The following TCF12 variants were observed in gnomAD, a reference collection of about 807,000 sequenced individuals.
TCF12 encodes transcription factor 12, also known as DNA-binding protein HTF4.
Under a neutral mutation model 86.0 loss-of-function variants are expected in TCF12, and 45 were observed. The ratio of observed to expected loss-of-function variants is 0.52; its 90% CI spans 0.41 to 0.67. The LOEUF is 0.67. Among genes scored for constraint, TCF12 ranks in the 30% least tolerant of loss-of-function variants. The pLI is 0.00. For missense variants in TCF12, 881 were observed against 859.9 expected (o/e 1.02, Z -0.31); for synonymous variants, 330 against 299.6 (o/e 1.10, Z -1.05).
intron 3 of TCF12, among the ~76,000 whole-genome samples, chr15:57,001,623 A>T (rs1338105767): frequency 2.0e-5 from 3 of 152,178 alleles, no homozygotes; most frequent in African/African-American, 7.2e-5. Context: ...CTGTCTAGGG[A>T]TGTCTCACAT....
At chr15:57,005,061 C>G (rs954939447) in intron 3 of TCF12, among the ~76,000 whole-genome samples, 1 of 152,138 alleles carries the variant, frequency 6.6e-6, no homozygotes, top group Non-Finnish European at 1.5e-5. Flanking sequence ...AAATATCTCT[C>G]TACTACTATT....
At position 57,209,007 on chromosome 15, in the gene TCF12, C is replaced by T. The variant is rs151265828; in HGVS notation, c.579+11182C>T. Among the ~76,000 whole-genome samples, 358 of 152,308 alleles carry T rather than the reference C, an allele frequency of 2.4e-3. 5 individuals are homozygous for T. Among genetic ancestry groups the T allele is most frequent in the African/African-American group, 8.0e-3 (332 of 41,572 alleles). On this transcript the variant is annotated intron_variant, in intron 8 of 20. Coordinates refer to ENST00000333725, the MANE Select transcript of TCF12 (RefSeq NM_207037.2). The stretch of plus-strand genomic sequence containing the variant: ...CTGGGATTACAGGTGTGAGTCACTG[C>T]GGCCAGCCCAAAATGTTTTTTGTTG...
At chr15:57,254,183 C>T (rs1185913911) in intron 16 of TCF12, among the ~76,000 whole-genome samples, 1 of 152,136 alleles carries the variant, frequency 6.6e-6, no homozygotes. Flanking sequence ...TTTTAAGGTT[C>T]ATTGCATGCT....
chr15:57,022,261 C>G (rs2065539261), intron 3 of TCF12, among the ~76,000 whole-genome samples: 1 of 151,940 alleles, frequency 6.6e-6, no homozygotes, highest in African/African-American at 2.4e-5. Context: ...TGTTCCCCAT[C>G]CTGTGTCCAA....
chr15:57,053,151 A>T (rs2067758174), intron 3 of TCF12, among the ~76,000 whole-genome samples: 1 of 152,126 alleles, frequency 6.6e-6, no homozygotes, highest in African/African-American at 2.4e-5. Flanking sequence ...TGTTTTTAAT[A>T]ATTGCCATTC....
intron 5 of TCF12, among the ~76,000 whole-genome samples, chr15:57,108,299 G>A (rs1279789375): frequency 1.3e-5 from 2 of 152,040 alleles, no homozygotes; most frequent in East Asian, 1.9e-4. Flanking sequence ...TTTTACCTAG[G>A]GCTGATCCCT....
chr15:57,195,613 G>T (rs569247327), intron 7 of TCF12, among the ~76,000 whole-genome samples: 17 of 152,298 alleles, frequency 1.1e-4, no homozygotes, highest in African/African-American at 4.1e-4. Context: ...TTGCTGTTGT[G>T]TACAGTTTTC....
chr15:56,947,192 A>G (rs1194859639), intron 3 of TCF12, among the ~76,000 whole-genome samples: 1 of 152,218 alleles, frequency 6.6e-6, no homozygotes, highest in Non-Finnish European at 1.5e-5. Flanking sequence ...TTTAGGCTGT[A>G]TTCAGACTGC....
rs944756945 is a variant in TCF12 at position 57,016,941 on chromosome 15, G to A, written c.149-46809G>A. 5.3e-5 allele frequency among the ~76,000 whole-genome samples: 8 copies of A among 152,228 alleles called. No individual in the cohort carries two copies. In the East Asian group the frequency reaches 9.7e-4, roughly 18 times the overall value. On this transcript the variant is annotated intron_variant, in intron 3 of 20. Coordinates refer to ENST00000333725, the MANE Select transcript of TCF12 (RefSeq NM_207037.2). ...AACTCAGGCTTCCTTTCCTGTAAAC[G>A]CACTGGGCATGCAGACATCCATTTG...
intron 16 of TCF12, among the ~76,000 whole-genome samples, chr15:57,257,832 G>C (rs1471089850): frequency 6.6e-6 from 1 of 152,024 alleles, no homozygotes; most frequent in African/African-American, 2.4e-5. Flanking sequence ...ATTAGTATTT[G>C]ATACTGATAT....
At position 57,086,440 on chromosome 15, in the gene TCF12, G is replaced by T. The variant is rs540406628; in HGVS notation, c.223-5349G>T. On this transcript the variant is annotated intron_variant, in intron 4 of 20. Coordinates refer to ENST00000333725, the MANE Select transcript of TCF12 (RefSeq NM_207037.2). ...TGCCACATAGCTTGTATGTACCAAA[G>T]ATGGAATTACCTGCCAGTCTGGCTC... Among the ~76,000 whole-genome samples the T allele has an allele frequency of 2.6e-4, 39 of 151,798 alleles. 1 individual carries two copies. The South Asian group carries it at 7.9e-3, about 31-fold the overall frequency.
chr15:57,247,205 C>T, intron 13 of TCF12: 1 of 612,442 alleles, frequency 1.6e-6, no homozygotes, highest in Non-Finnish European at 3.0e-6. Flanking sequence ...CCCTCTACTA[C>T]TGTAACCAGG....
At chr15:57,167,732 G>A (rs544365585) in intron 6 of TCF12, among the ~76,000 whole-genome samples, 2 of 152,128 alleles carry the variant, frequency 1.3e-5, no homozygotes, top group African/African-American at 4.8e-5. Flanking sequence ...TCATAGATTT[G>A]GGGGTAGTTA....
chr15:57,147,530 C>G (rs2053441114), intron 5 of TCF12, among the ~76,000 whole-genome samples: 1 of 140,116 alleles, frequency 7.1e-6, no homozygotes, highest in African/African-American at 2.5e-5. Flanking sequence ...AAACTCTTAC[C>G]ATAAAAGCAC....
chr15:56,988,530 C>T (rs1248731731), intron 3 of TCF12, among the ~76,000 whole-genome samples: 8 of 152,074 alleles, frequency 5.3e-5, no homozygotes, highest in Non-Finnish European at 1.2e-4. Context: ...TGTTTAGTGA[C>T]TGTCAACAAG....
chr15:57,224,230 A>G (rs1271158199), intron 8 of TCF12, among the ~76,000 whole-genome samples: 1 of 152,014 alleles, frequency 6.6e-6, no homozygotes, highest in African/African-American at 2.4e-5. Flanking sequence ...GTTGAATCTA[A>G]ATTTTTTTTA....
intron 3 of TCF12, among the ~76,000 whole-genome samples, chr15:57,022,590 G>C (rs1171863792): frequency 6.6e-6 from 1 of 152,168 alleles, no homozygotes; most frequent in East Asian, 1.9e-4. Flanking sequence ...CCAGTAATGG[G>C]ATCACTGGGT....
intron 3 of TCF12, among the ~76,000 whole-genome samples, chr15:57,003,592 T>G (rs1200420242): frequency 6.6e-6 from 1 of 152,176 alleles, no homozygotes; most frequent in African/African-American, 2.4e-5. Flanking sequence ...AAAGGACTCT[T>G]GTTTACATTA....
intron 5 of TCF12, among the ~76,000 whole-genome samples, chr15:57,111,985 C>G (rs2050526043): frequency 6.6e-6 from 1 of 152,194 alleles, no homozygotes; most frequent in Non-Finnish European, 1.5e-5. Flanking sequence ...CCCCTCTCCA[C>G]TTCTTTTAGA....
Sources: allele counts gnomAD v4.1 joint callset (sites outside exome capture counted in the v4.1 genomes callset), GRCh38; gene constraint gnomAD v4.1.1; transcripts MANE v1.5; gene names NCBI Gene and HGNC (gene_info 2026-07-23, HGNC 2026-07-21).